Variants in CDH13 observed in about 807,000 individuals in gnomAD.
CDH13 encodes cadherin-13.
Under a neutral mutation model 63.8 loss-of-function variants are expected in CDH13, and 24 were observed. The observed-to-expected ratio is 0.38, with a 90% CI of 0.27 to 0.53. The LOEUF is 0.53. Ranked by LOEUF, CDH13 falls within the 20% of genes least tolerant of loss-of-function variation. The pLI is 0.85. For missense variants in CDH13, 1,049 were observed against 903.1 expected (o/e 1.16, Z -2.07); for synonymous variants, 503 against 355.3 (o/e 1.42, Z -4.67).
At chr16:83,221,633 T>TG (rs1431621800) in intron 5 of CDH13, among the ~76,000 whole-genome samples, 15 of 130,770 alleles carry the variant, frequency 1.1e-4, no homozygotes, top group South Asian at 5.1e-4. Flanking sequence ...GGAGACCATC[T>TG]GTTAGGCGAG....
intron 5 of CDH13, among the ~76,000 whole-genome samples, chr16:83,270,753 A>T (rs1424110136): frequency 1.3e-5 from 2 of 152,118 alleles, no homozygotes; most frequent in East Asian, 3.9e-4. Context: ...TCTCATGATA[A>T]GAATTATTTA....
At chr16:83,749,892 A>G (rs1488990691) in intron 11 of CDH13, among the ~76,000 whole-genome samples, 1 of 152,152 alleles carries the variant, frequency 6.6e-6, no homozygotes, top group Non-Finnish European at 1.5e-5. Context: ...TGCGTGATGA[A>G]GGATATGTGG....
chr16:83,485,355 T>G lies in CDH13; in HGVS notation c.782-1122T>G, dbSNP rs555104217. Among the ~76,000 whole-genome samples, 14 of 152,340 alleles carry G rather than the reference T, an allele frequency of 9.2e-5. No homozygotes were observed. In the South Asian group the frequency reaches 1.9e-3, roughly 20 times the overall value. ...CCAGTTTCCCTTTATATCAGCTGCA[T>G]GGGAGGGAGACCCATTATCTGACAC... On this transcript the variant is annotated intron_variant, in intron 6 of 13. Coordinates refer to ENST00000567109, the MANE Select transcript of CDH13 (RefSeq NM_001257.5).
At chr16:83,621,475 CTTTTTTTTTTTTTTTTT>C (rs72032168) in intron 8 of CDH13, among the ~76,000 whole-genome samples, 1 of 28,530 alleles carries the variant, frequency 3.5e-5, no homozygotes, top group Non-Finnish European at 5.7e-5. Context: ...CCTCACCTGC[CTTTTTTTTTTTTTTTTT>C]TTTTTTTTTT....
intron 3 of CDH13, among the ~76,000 whole-genome samples, chr16:83,054,751 C>G (rs973472065): frequency 1.3e-5 from 2 of 152,010 alleles, no homozygotes; most frequent in African/African-American, 4.8e-5. Flanking sequence ...TAGCTGAAAA[C>G]TTTAACACAT....
intron 2 of CDH13, among the ~76,000 whole-genome samples, chr16:82,973,268 G>C (rs1168021454): frequency 6.6e-6 from 1 of 152,134 alleles, no homozygotes; most frequent in Non-Finnish European, 1.5e-5. Flanking sequence ...ATGCTCAGAC[G>C]GTCTGCATCC....
chr16:83,122,614 C>G (rs547423459), intron 3 of CDH13, among the ~76,000 whole-genome samples: 2 of 152,180 alleles, frequency 1.3e-5, no homozygotes, highest in East Asian at 3.9e-4. Context: ...TGTGATTGTC[C>G]CTTTATCCCT....
intron 6 of CDH13, among the ~76,000 whole-genome samples, chr16:83,366,866 G>C (rs911672423): frequency 6.6e-6 from 1 of 152,130 alleles, no homozygotes; most frequent in African/African-American, 2.4e-5. Context: ...ATCACATACT[G>C]TGCGTAAGTT....
At chr16:83,508,754 G>A (rs2074484066) in intron 7 of CDH13, among the ~76,000 whole-genome samples, 1 of 152,094 alleles carries the variant, frequency 6.6e-6, no homozygotes, top group Non-Finnish European at 1.5e-5. Context: ...CCTCACTTGT[G>A]CTTCTTAAGA....
chr16:83,488,800 T>A (rs113770920), intron 7 of CDH13, among the ~76,000 whole-genome samples: 21 of 152,212 alleles, frequency 1.4e-4, no homozygotes, highest in African/African-American at 5.1e-4. Context: ...AATTTTTATA[T>A]TTTTAGTAGA....
At chr16:83,631,375 G>C (rs951035195) in intron 8 of CDH13, among the ~76,000 whole-genome samples, 1 of 152,040 alleles carries the variant, frequency 6.6e-6, no homozygotes, top group Non-Finnish European at 1.5e-5. Context: ...TTGTTCTTTC[G>C]GTGGCCCTGT....
chr16:83,059,864 G>A (rs1476672027), intron 3 of CDH13, among the ~76,000 whole-genome samples: 5 of 140,084 alleles, frequency 3.6e-5, no homozygotes, highest in South Asian at 2.3e-4. Flanking sequence ...GCAGGATCTT[G>A]GCTCACTGCA....
At chr16:83,341,195 A>C (rs1475676994) in intron 5 of CDH13, among the ~76,000 whole-genome samples, 2 of 152,230 alleles carry the variant, frequency 1.3e-5, no homozygotes, top group African/African-American at 4.8e-5. Flanking sequence ...AATTCAAAGG[A>C]AACAAGCATT....
intron 8 of CDH13, among the ~76,000 whole-genome samples, chr16:83,631,650 T>C (rs947978663): frequency 2.0e-5 from 3 of 151,934 alleles, no homozygotes; most frequent in African/African-American, 7.3e-5. Flanking sequence ...AACGAGATGC[T>C]CCTTAGGAAC....
At chr16:82,877,212 G>A (rs547270344) in intron 2 of CDH13, among the ~76,000 whole-genome samples, 6 of 152,280 alleles carry the variant, frequency 3.9e-5, no homozygotes, top group African/African-American at 1.4e-4. Context: ...CTTGATTTAA[G>A]ATTGTTAGAC....
At chr16:83,622,881 G>A (rs1217696345) in intron 8 of CDH13, among the ~76,000 whole-genome samples, 4 of 152,118 alleles carry the variant, frequency 2.6e-5, no homozygotes, top group Non-Finnish European at 2.9e-5. Flanking sequence ...CACAGGCTGC[G>A]GGCTGAAGGC....
chr16:83,411,919 T>C (rs1340626801), intron 6 of CDH13, among the ~76,000 whole-genome samples: 2 of 152,190 alleles, frequency 1.3e-5, no homozygotes, highest in African/African-American at 2.4e-5. Context: ...GAGCTTGTAA[T>C]TGCATGATAA....
chr16:82,940,300 TCA>T (rs769699996), intron 2 of CDH13, among the ~76,000 whole-genome samples: 31 of 152,256 alleles, frequency 2.0e-4, no homozygotes, highest in South Asian at 8.3e-4. Context: ...TTGCAGAATC[TCA>T]GTTTTTCCAC....
intron 1 of CDH13, among the ~76,000 whole-genome samples, chr16:82,742,799 C>G (rs1351602652): frequency 2.0e-5 from 3 of 152,082 alleles, no homozygotes; most frequent in East Asian, 1.9e-4. Context: ...AAAATAGAAA[C>G]TATCCATCAT....
Sources: allele counts gnomAD v4.1 joint callset (sites outside exome capture counted in the v4.1 genomes callset), GRCh38; gene constraint gnomAD v4.1.1; transcripts MANE v1.5; gene names NCBI Gene and HGNC (gene_info 2026-07-23, HGNC 2026-07-21).